The following BLTP1 variants were observed in gnomAD, a reference collection of about 807,000 sequenced individuals.
BLTP1 encodes fragile site-associated protein.
chr4:122,219,372 G>A, the BLTP1 span: 1 of 1,613,694 alleles, frequency 6.2e-7, no homozygotes. Context: ...ACATGTATAT[G>A]GATTTTGAAG....
chr4:122,347,335 C>A, the BLTP1 span: 2 of 863,228 alleles, frequency 2.3e-6, no homozygotes. Flanking sequence ...TTGCTCTTTT[C>A]ATGGAGTTTA....
chr4:122,332,797 C>T, the BLTP1 span, among the ~76,000 whole-genome samples: 2 of 116,492 alleles, frequency 1.7e-5, no homozygotes, highest in African/African-American at 3.3e-5. Flanking sequence ...CCACCCCCCA[C>T]AGTCCCCAGA....
the BLTP1 span, chr4:122,227,130 G>A: frequency 1.2e-6 from 1 of 828,076 alleles, no homozygotes; most frequent in Non-Finnish European, 1.5e-6. Flanking sequence ...GTTGGGATAT[G>A]GCTATATATT....
chr4:122,232,265 C>T, the BLTP1 span: 2 of 340,068 alleles, frequency 5.9e-6, no homozygotes, highest in African/African-American at 2.2e-5. Context: ...ACAGCCAAAG[C>T]GGTAGCCAGT....
the BLTP1 span, chr4:122,224,906 A>T: frequency 1.5e-6 from 2 of 1,340,930 alleles, no homozygotes; most frequent in Admixed American, 6.6e-5. Context: ...GTAGACCTAT[A>T]TAATATTTCA....
chr4:122,343,976 A>C, the BLTP1 span: 1 of 932,010 alleles, frequency 1.1e-6, no homozygotes, highest in African/African-American at 1.8e-5. Context: ...CACAATTGTT[A>C]ATTTAAAAAG....
the BLTP1 span, chr4:122,298,780 G>A: frequency 1.3e-6 from 1 of 768,764 alleles, no homozygotes; most frequent in Non-Finnish European, 1.6e-6. Flanking sequence ...ACTTGAGTAA[G>A]TTCTACTTTT....
chr4:122,239,826 A>G, the BLTP1 span: 8 of 1,614,066 alleles, frequency 5.0e-6, no homozygotes, highest in South Asian at 1.1e-5. Flanking sequence ...GTATCGATCA[A>G]TGGATTCCAG....
chr4:122,301,536 G>T, the BLTP1 span: 1 of 456,876 alleles, frequency 2.2e-6, no homozygotes, highest in South Asian at 6.7e-5. Context: ...CAGAGAAAAA[G>T]CTTTAACAAT....
chr4:122,249,418 A>G, the BLTP1 span: 1 of 1,572,934 alleles, frequency 6.4e-7, no homozygotes, highest in Non-Finnish European at 8.6e-7. Context: ...ATATGTCCAA[A>G]TGTTTGTGTT....
chr4:122,251,258 A>G, the BLTP1 span: 6 of 930,576 alleles, frequency 6.4e-6, no homozygotes, highest in African/African-American at 1.1e-4. Context: ...GTAGTATGTA[A>G]TAAGAATGTA....
chr4:122,211,240 G>A, the BLTP1 span: 16 of 698,312 alleles, frequency 2.3e-5, no homozygotes, highest in Middle Eastern at 1.6e-3. Context: ...GACTTGGGGT[G>A]CTAGACTCAA....
the BLTP1 span, among the ~76,000 whole-genome samples, chr4:122,260,668 T>C: frequency 2.6e-5 from 4 of 152,022 alleles, no homozygotes; most frequent in Non-Finnish European, 5.9e-5. Context: ...TGTGGCAATA[T>C]GTGTCAAAAT....
the BLTP1 span, chr4:122,353,942 C>T: frequency 1.9e-6 from 3 of 1,613,592 alleles, no homozygotes; most frequent in South Asian, 2.2e-5. This position sits in a 1 kb window ranked among gnomAD's most constrained non-coding sequence, Gnocchi z 4.3. Context: ...AACAAGGCGT[C>T]GCCATGAAAA....
At chr4:122,200,640 CAG>C in the BLTP1 span, 16 of 970,186 alleles carry the variant, frequency 1.6e-5, no homozygotes, top group Non-Finnish European at 2.0e-5. Context: ...CTTTGTGTGA[CAG>C]TACGCATCAC....
At chr4:122,185,236 C>A in the BLTP1 span, 1 of 980,310 alleles carries the variant, frequency 1.0e-6, no homozygotes, top group South Asian at 4.7e-5. Context: ...TCTAAAACAT[C>A]TGTTATAAAG....
the BLTP1 span, chr4:122,362,749 T>TTAAG: frequency 1.3e-5 from 2 of 153,318 alleles, no homozygotes; most frequent in African/African-American, 4.8e-5. Flanking sequence ...CAGTAATGGT[T>TTAAG]TAAGTCTGTA....
the BLTP1 span, chr4:122,207,071 T>G: frequency 6.4e-7 from 1 of 1,553,076 alleles, no homozygotes; most frequent in Non-Finnish European, 8.7e-7. Context: ...GAGTTTCAAC[T>G]AACTTTACAA....
At chr4:122,187,629 T>A in the BLTP1 span, 1 of 1,059,862 alleles carries the variant, frequency 9.4e-7, no homozygotes, top group South Asian at 1.8e-5. Flanking sequence ...TTTTTTTAGT[T>A]CCCATTTCTG....
Sources: gnomAD v4.1 joint callset for allele counts (sites outside exome capture counted in the v4.1 genomes callset) on GRCh38, gnomAD v4.1.1 for gene constraint, Gnocchi (gnomAD v3.1) non-coding constraint, MANE v1.5 for transcripts, NCBI Gene and HGNC (gene_info 2026-07-23, HGNC 2026-07-21) for gene names.